CACTIN: variants seen among roughly 807,000 people sequenced by gnomAD.
CACTIN encodes the protein splicing factor Cactin.
Under a neutral mutation model 84.9 loss-of-function variants are expected in CACTIN, and 20 were observed. The observed-to-expected ratio is 0.24, with a 90% CI of 0.17 to 0.34. The LOEUF is 0.34. Ranked by LOEUF, CACTIN falls within the 10% of genes least tolerant of loss-of-function variation. The pLI is 1.00. For synonymous variants in CACTIN, 549 were observed against 467.9 expected, an observed-to-expected ratio of 1.17 and a Z score of -2.24; for missense variants, 897 against 1,117.2, an observed-to-expected ratio of 0.80 and a Z score of 2.81.
rs774941496 is a variant in CACTIN at position 3,612,047 on chromosome 19, T to C, written c.2153A>G (p.Asp718Gly). ...GCGGTTGACGATCTTGAAAGCGATG[T>C]CCTCGTAGGGCGGCCCCGCGTGGAA... ...LRFHAGPPYE[D>G]IAFKIVNREW... The change falls in exon 10 of 10, where the codon GAC becomes GGC. Residue 718 changes from aspartate to glycine, a missense_variant. This residue lies in a region of CACTIN where 50 missense variants were observed against 51.6 expected (regional missense o/e 0.97). Transcript: ENST00000429344. 7.4e-6 allele frequency: 12 copies of C among 1,613,700 alleles called. No individual in the cohort carries two copies. Among genetic ancestry groups the C allele is most frequent in the African/African-American group, 1.3e-5 (1 of 74,950 alleles).
intron 1 of CACTIN, 150 bp from the exon 2 acceptor site, chr19:3,624,312 GCTCA>G: frequency 1.4e-6 from 1 of 702,234 alleles, no homozygotes; most frequent in Non-Finnish European, 2.3e-6. Flanking sequence ...GCCTTCCTGG[GCTCA>G]CCCTCTGGTG....
chr19:3,619,378 TGGAGGAGGAGGA>T, intron 4 of CACTIN, 136 bp from the exon 5 acceptor site: 2 of 1,009,692 alleles, frequency 2.0e-6, no homozygotes, highest in African/African-American at 1.6e-5. Flanking sequence ...GAAGGCTTCC[TGGAGGAGGAGGA>T]GGAGGAGGCA....
chr19:3,616,630 T>G (rs1171255431), intron 6 of CACTIN: 1 of 151,872 alleles, frequency 6.6e-6, no homozygotes, highest in Non-Finnish European at 1.5e-5. Context: ...AACTTATTCA[T>G]GTAACCAAAC....
In CACTIN at chr19:3,618,422, G is replaced by C. The variant is rs991299737; in HGVS notation, c.1162+453C>G. Among the ~76,000 whole-genome samples, 3 of 151,426 alleles carry C rather than the reference G, an allele frequency of 2.0e-5. No individual in the cohort carries two copies. The South Asian group carries it at 6.2e-4, about 31-fold the overall frequency. ...GGTGACCATGTGTGTGCAACCACAC[G>C]GAGGGGGGGGAAACGTGATTTTAAA... On this transcript the variant is annotated intron_variant, in intron 6 of 9. Transcript: ENST00000429344.
intron 2 of CACTIN, among the ~76,000 whole-genome samples, chr19:3,622,867 G>C (rs2033252782): frequency 6.6e-6 from 1 of 152,222 alleles, no homozygotes; most frequent in African/African-American, 2.4e-5. Context: ...TCTCTAGATA[G>C]GTTTCAGGTT....
chr19:3,621,458 T>C (rs1052741135), intron 2 of CACTIN, among the ~76,000 whole-genome samples: 2 of 151,600 alleles, frequency 1.3e-5, no homozygotes, highest in African/African-American at 4.9e-5. Flanking sequence ...CATGAGGGGG[T>C]TCCAGGAACC....
chr19:3,618,805 T>C (rs2145325920), intron 6 of CACTIN, 70 bp downstream of exon 6: 2 of 1,256,930 alleles, frequency 1.6e-6, no homozygotes, highest in African/African-American at 3.0e-5. Flanking sequence ...CCACAGCAAG[T>C]CTGAGGCTTC....
In CACTIN at chr19:3,611,976, T is replaced by C; in HGVS notation, c.2224A>G (p.Asn742Asp). The C allele has an allele frequency of 1.2e-6, 2 of 1,613,672 alleles. No homozygotes were observed. Among genetic ancestry groups the C allele is most frequent in the Non-Finnish European group, 1.7e-6 (2 of 1,179,876 alleles). ...TGAAACCACAGCTGGAAGATGCCGT[T>C]GGCAAACTGGCAGCGGAAGCCGTGG... ...HRHGFRCQFA[N>D]GIFQLWFHFK... The change falls in exon 10 of 10, where the codon AAC (asparagine) becomes GAC (aspartate). Residue 742 changes from asparagine to aspartate, a missense_variant. By Grantham distance (23) the Asn-to-Asp change is conservative. Coordinates refer to ENST00000429344, the MANE Select transcript of CACTIN (RefSeq NM_001080543.2).
intron 6 of CACTIN, among the ~76,000 whole-genome samples, chr19:3,618,016 G>A (rs1334680191): frequency 6.6e-6 from 1 of 152,196 alleles, no homozygotes; most frequent in Non-Finnish European, 1.5e-5. Flanking sequence ...GGGATCCTCG[G>A]CCACCATGAT....
Position 3,610,756 on chromosome 19 carries a change from C to T in CACTIN, c.*1167G>A, listed in dbSNP as rs1018376350. The T allele has an allele frequency of 5.0e-5, 23 of 456,864 alleles. 1 individual carries two copies. Among genetic ancestry groups the T allele is most frequent in the East Asian group, 1.4e-4 (2 of 14,408 alleles). 28.3% of individuals were successfully genotyped at this position (456,864 alleles called of 1,614,324 possible). On this transcript the variant is annotated 3_prime_UTR_variant, in exon 10 of 10. Coordinates refer to ENST00000429344, the MANE Select transcript of CACTIN (RefSeq NM_001080543.2). ...CTACAAGTCTTTTTAGAGAAACAAA[C>T]GGAACTATTTCCAGATGAGGCGGGG...
At chr19:3,620,911 T>C in intron 2 of CACTIN, 109 bp from the exon 3 acceptor site, 1 of 839,946 alleles carries the variant, frequency 1.2e-6, no homozygotes. Flanking sequence ...CAGAGAGAGG[T>C]GACCTGCCAG....
In CACTIN at chr19:3,626,757, A is replaced by G. The variant is rs772849284; in HGVS notation, c.6T>C (p.Gly2=). 2 of 1,439,128 alleles carry G rather than the reference A, an allele frequency of 1.4e-6. No individual in the cohort carries two copies. 89.1% of individuals were successfully genotyped at this position (1,439,128 alleles called of 1,614,324 possible). A position where few individuals can be genotyped will look rare whatever the true frequency, so the allele number is the denominator to read the frequency against. Reference sequence around the variant, plus strand: ...ACCGCGAGCGCGAGCGTGTGTCCCGACCCATCGGCTGGGCCAGTGGCCGCG... The same window carrying G: ...ACCGCGAGCGCGAGCGTGTGTCCCGGCCCATCGGCTGGGCCAGTGGCCGCG... M[G]RDTRSRSRSA... is the part of the protein sequence containing the mutation. The change falls in exon 1 of 10, where the codon GGT becomes GGC. Residue 2 remains glycine (G), a synonymous_variant. Coordinates refer to ENST00000429344, the MANE Select transcript of CACTIN (RefSeq NM_001080543.2).
chr19:3,612,056 G>A lies in CACTIN; in HGVS notation c.2144C>T (p.Pro715Leu). ...GATCTTGAAAGCGATGTCCTCGTAG[G>A]GCGGCCCCGCGTGGAAGCGCAGGAT... The part of the protein sequence containing the change: ...FAILRFHAGP[P>L]YEDIAFKIVN... Residue 715 changes from proline to leucine, a missense_variant, in exon 10 of 10, where the codon CCC becomes CTC. Physicochemically the swap from Pro to Leu is moderately conservative, Grantham distance 98. Coordinates refer to ENST00000429344, the MANE Select transcript of CACTIN (RefSeq NM_001080543.2). 6.2e-7 allele frequency: 1 copy of A among 1,613,874 alleles called. No individual in the cohort carries two copies. Among genetic ancestry groups the A allele is most frequent in the Non-Finnish European group, 8.5e-7 (1 of 1,179,910 alleles).
chr19:3,611,773 C>A lies in CACTIN; in HGVS notation c.*150G>T. 9.8e-7 allele frequency: 1 copy of A among 1,019,290 alleles called. No individual in the cohort carries two copies. The highest frequency in any genetic ancestry group is 1.5e-6 in the Non-Finnish European group (1 of 676,152). The allele number at this position is 1,019,290 out of a possible 1,614,324, so 63.1% of individuals were successfully genotyped here. A position where few individuals can be genotyped will look rare whatever the true frequency, so the allele number is the denominator to read the frequency against. ...GACCCCCCTTTTATATAGGAGGAAA[C>A]TGAGGCCTGGCGAAAGAAAGATGCG... On this transcript the variant is annotated 3_prime_UTR_variant, in exon 10 of 10. Coordinates refer to ENST00000429344, the MANE Select transcript of CACTIN (RefSeq NM_001080543.2).
chr19:3,612,955 C>A, intron 9 of CACTIN, 103 bp downstream of exon 9: 1 of 1,362,144 alleles, frequency 7.3e-7, no homozygotes, highest in Non-Finnish European at 1.0e-6. Flanking sequence ...GCAAGCAGCT[C>A]CCCACTGACG....
At chr19:3,622,363 CAAAA>C (rs34766613) in intron 2 of CACTIN, among the ~76,000 whole-genome samples, 2 of 88,150 alleles carry the variant, frequency 2.3e-5, no homozygotes, top group Admixed American at 1.3e-4. Context: ...GACTCCATCT[CAAAA>C]AAAAAAAAAA....
chr19:3,617,835 G>A (rs915261349), intron 6 of CACTIN, among the ~76,000 whole-genome samples: 1 of 152,230 alleles, frequency 6.6e-6, no homozygotes, highest in Non-Finnish European at 1.5e-5. Flanking sequence ...TGAGGTTACG[G>A]GAGAATGTGC....
rs772580650 is a variant in CACTIN, at chr19:3,620,849, GC to G, written c.643-48del. On this transcript the variant is annotated intron_variant, in intron 2 of 9. Coordinates refer to ENST00000429344, the MANE Select transcript of CACTIN (RefSeq NM_001080543.2). Reference sequence around the variant, plus strand: ...GCCCTGAGCACAGACCCGCCCCCTCGCCCCCCTCCTCAGCTCCTTCGTCCAA... The same window carrying G: ...GCCCTGAGCACAGACCCGCCCCCTCGCCCCCTCCTCAGCTCCTTCGTCCAA... 4.6e-5 allele frequency: 68 copies of G among 1,465,076 alleles called. No individual in the cohort carries two copies. In the East Asian group the frequency reaches 1.0e-3, roughly 22 times the overall value. 90.8% of individuals were successfully genotyped at this position (1,465,076 alleles called of 1,614,324 possible).
chr19:3,618,690 A>G (rs3746126), intron 6 of CACTIN, among the ~76,000 whole-genome samples, 185 bp downstream of exon 6: 2 of 152,008 alleles, frequency 1.3e-5, no homozygotes, highest in African/African-American at 4.8e-5. Context: ...GGCCCGCCCC[A>G]CTCATCCCTC....
Sources: allele counts gnomAD v4.1 joint callset (sites outside exome capture counted in the v4.1 genomes callset), GRCh38; gene constraint gnomAD v4.1.1; regional missense constraint gnomAD v4.1.1; transcripts MANE v1.5; gene names NCBI Gene and HGNC (gene_info 2026-07-23, HGNC 2026-07-21).